Variants in IQCJ observed in about 807,000 individuals in gnomAD.
The protein encoded by IQCJ is IQ domain-containing protein J.
A neutral mutation model predicts 11.0 loss-of-function variants in IQCJ; 9 were observed. The observed-to-expected ratio is 0.82, with a 90% confidence interval of 0.49 to 1.43. IQCJ has a LOEUF of 1.43. IQCJ is among the 40% of genes most tolerant of loss of function. The pLI is 0.00. For missense variants in IQCJ, 146 were observed against 133.2 expected, an observed-to-expected ratio of 1.10 and a Z score of -0.47; for synonymous variants, 55 against 51.3, an observed-to-expected ratio of 1.07 and a Z score of -0.31.
chr3:159,240,448 A>T (rs190753140), intron 1 of IQCJ, among the ~76,000 whole-genome samples: 5 of 152,348 alleles, frequency 3.3e-5, no homozygotes, highest in African/African-American at 1.2e-4. Context: ...CTACCAGCCA[A>T]AGCAAAACAA....
At chr3:159,184,163 A>G (rs918344151) in intron 1 of IQCJ, among the ~76,000 whole-genome samples, 2 of 152,074 alleles carry the variant, frequency 1.3e-5, no homozygotes, top group East Asian at 3.9e-4. Flanking sequence ...TTCATCTTAC[A>G]TCATTCTCCC....
At chr3:159,084,237 T>C (rs1716538258) in intron 1 of IQCJ, among the ~76,000 whole-genome samples, 1 of 113,010 alleles carries the variant, frequency 8.8e-6, no homozygotes, top group Admixed American at 1.1e-4. Context: ...TCTACAATTA[T>C]CTAAAAATAA....
At chr3:159,150,082 G>A (rs1376761422) in intron 1 of IQCJ, among the ~76,000 whole-genome samples, 1 of 152,088 alleles carries the variant, frequency 6.6e-6, no homozygotes, top group Admixed American at 6.5e-5. Context: ...ACTTAGATTA[G>A]TGCTCATCTC....
chr3:159,144,423 C>A (rs1720804107), intron 1 of IQCJ, among the ~76,000 whole-genome samples: 1 of 152,154 alleles, frequency 6.6e-6, no homozygotes, highest in African/African-American at 2.4e-5. Flanking sequence ...ATCTCTGATA[C>A]CAACCCTAGG....
intron 1 of IQCJ, among the ~76,000 whole-genome samples, chr3:159,126,720 T>A (rs929957905): frequency 3.3e-5 from 5 of 152,344 alleles, no homozygotes; most frequent in Non-Finnish European, 5.9e-5. Flanking sequence ...CACCCTAGGC[T>A]TTCTGTCAGT....
chr3:159,112,684 T>TG (rs1718707664), intron 1 of IQCJ, among the ~76,000 whole-genome samples: 1 of 152,110 alleles, frequency 6.6e-6, no homozygotes, highest in African/African-American at 2.4e-5. Context: ...ACCGTTTCGT[T>TG]GGGGGCTTTG....
chr3:159,237,493 G>T (rs375640754), intron 1 of IQCJ, among the ~76,000 whole-genome samples: 32 of 152,288 alleles, frequency 2.1e-4, no homozygotes, highest in Admixed American at 1.6e-3. Flanking sequence ...TCACACCCAA[G>T]TTACTTTAGA....
rs61795166 is a variant in IQCJ at position 159,239,816 on chromosome 3, C to T, written c.10-6027C>T. Among the ~76,000 whole-genome samples, 1,010 of 152,052 alleles carry T rather than the reference C, an allele frequency of 6.6e-3. 3 individuals are homozygous for T. The highest frequency in any genetic ancestry group is 0.014 in the Middle Eastern group (4 of 294). On this transcript the variant is annotated intron_variant, in intron 1 of 3. Coordinates refer to ENST00000397832, the MANE Select transcript of IQCJ (RefSeq NM_001042706.3). ...TATGTTTAGATATACAAATATTTAC[C>T]ATTGTGTTATAATTTTCTTACAGTA... is the stretch of plus-strand genomic sequence containing the variant.
At chr3:159,128,810 A>T (rs1719825466) in intron 1 of IQCJ, among the ~76,000 whole-genome samples, 1 of 151,838 alleles carries the variant, frequency 6.6e-6, no homozygotes, top group Admixed American at 6.6e-5. Flanking sequence ...ATATAGTCTG[A>T]CTCATCTTTT....
At chr3:159,155,941 T>C (rs1421983280) in intron 1 of IQCJ, among the ~76,000 whole-genome samples, 2 of 152,214 alleles carry the variant, frequency 1.3e-5, no homozygotes, top group Non-Finnish European at 1.5e-5. Context: ...TTGTAGATCA[T>C]TTCTGAGGTA....
At chr3:159,091,451 T>A (rs1383181059) in intron 1 of IQCJ, among the ~76,000 whole-genome samples, 1 of 151,624 alleles carries the variant, frequency 6.6e-6, no homozygotes, top group Non-Finnish European at 1.5e-5. Context: ...CTAATGGTAT[T>A]AATGGCACTA....
intron 1 of IQCJ, among the ~76,000 whole-genome samples, chr3:159,174,768 G>C (rs1240203907): frequency 2.6e-5 from 4 of 152,008 alleles, no homozygotes; most frequent in African/African-American, 9.7e-5. Flanking sequence ...TTACAAATGT[G>C]ATTTATTGTG....
intron 1 of IQCJ, among the ~76,000 whole-genome samples, chr3:159,122,498 G>T (rs1039115462): frequency 3.3e-5 from 5 of 152,154 alleles, no homozygotes; most frequent in Non-Finnish European, 7.3e-5. Flanking sequence ...TGTCTTGGCT[G>T]CTGGGAAACT....
At chr3:159,073,539 C>G (rs1344773996) in intron 1 of IQCJ, among the ~76,000 whole-genome samples, 1 of 152,046 alleles carries the variant, frequency 6.6e-6, no homozygotes, top group Admixed American at 6.6e-5. Context: ...GTCCCCAGAA[C>G]CTCCCATTCA....
intron 1 of IQCJ, among the ~76,000 whole-genome samples, chr3:159,145,914 A>G (rs61796031): frequency 6.0e-4 from 91 of 152,316 alleles, no homozygotes; most frequent in Non-Finnish European, 1.0e-3. Context: ...CGCATACATC[A>G]AAATGAAGAA....
chr3:159,264,999 G>T (rs185780589), downstream of IQCJ, among the ~76,000 whole-genome samples: 30 of 152,108 alleles, frequency 2.0e-4, no homozygotes, highest in Admixed American at 1.8e-3. Flanking sequence ...TCTAATAGAA[G>T]TTATTGATTA....
intron 1 of IQCJ, among the ~76,000 whole-genome samples, chr3:159,135,014 A>T (rs1720207637): frequency 6.6e-6 from 1 of 152,148 alleles, no homozygotes; most frequent in Non-Finnish European, 1.5e-5. Context: ...ATATACCAGG[A>T]CAGTTTGTGC....
chr3:159,157,038 G>C (rs1331183798), intron 1 of IQCJ, among the ~76,000 whole-genome samples: 2 of 152,184 alleles, frequency 1.3e-5, no homozygotes, highest in Non-Finnish European at 1.5e-5. Flanking sequence ...AGTCTGTGTT[G>C]TGTGGCCTGA....
intron 3 of IQCJ, 148 bp downstream of exon 3, chr3:159,252,955 A>T: frequency 2.6e-6 from 2 of 766,724 alleles, no homozygotes; most frequent in Admixed American, 5.5e-5. Context: ...AAGCAGGAAC[A>T]CAGCTACTTT....
Sources: allele counts gnomAD v4.1 joint callset (sites outside exome capture counted in the v4.1 genomes callset), GRCh38; gene constraint gnomAD v4.1.1; transcripts MANE v1.5; gene names NCBI Gene and HGNC (gene_info 2026-07-23, HGNC 2026-07-21).